Variants in TSPEAR observed in about 807,000 individuals in gnomAD.
TSPEAR encodes the protein thrombospondin-type laminin G domain and EAR repeat-containing protein.
TSPEAR carries 69 observed loss-of-function variants against 71.6 expected under a neutral mutation model. That is an observed-to-expected ratio of 0.96 (90% CI 0.79 to 1.18). The LOEUF (loss-of-function observed/expected upper bound fraction) is 1.18, where lower values mean the gene tolerates loss of function less well. Among genes scored for constraint, TSPEAR ranks in the 50% most tolerant of loss-of-function variants. The pLI, the probability that TSPEAR is intolerant of heterozygous loss-of-function variation, is 0.00. For missense variants in TSPEAR, 971 were observed against 894.9 expected (o/e 1.09, Z -1.09); for synonymous variants, 402 against 387.2 (o/e 1.04, Z -0.45).
intron 11 of TSPEAR, among the ~76,000 whole-genome samples, chr21:44,500,471 G>A (rs782468846): frequency 1.3e-5 from 2 of 152,364 alleles, no homozygotes; most frequent in South Asian, 2.1e-4. Context: ...TTCCATTTCC[G>A]AGGCGTGGAG....
Position 44,603,542 on chromosome 21 carries a change from A to G in TSPEAR, c.83-35537T>C, listed in dbSNP as rs78537004. Among the ~76,000 whole-genome samples the G allele has an allele frequency of 8.2e-3, 1,244 of 152,292 alleles. 19 individuals are homozygous for G. The highest frequency in any genetic ancestry group is 0.028 in the African/African-American group (1,176 of 41,548). Reference sequence around the variant, plus strand: ...TCCAGGCATGTGAGCCTCTGGGGAAACACGCCCCCCACGCCCCGGGTGTGA... The same window carrying G: ...TCCAGGCATGTGAGCCTCTGGGGAAGCACGCCCCCCACGCCCCGGGTGTGA... On this transcript the variant is annotated intron_variant, in intron 1 of 11. Coordinates refer to ENST00000323084, the MANE Select transcript of TSPEAR (RefSeq NM_144991.3).
intron 1 of TSPEAR, among the ~76,000 whole-genome samples, chr21:44,704,434 G>A (rs531553321): frequency 1.1e-4 from 17 of 152,188 alleles, no homozygotes; most frequent in Non-Finnish European, 2.2e-4. Flanking sequence ...AACCCAAACC[G>A]TGCGGGGTGG....
At chr21:44,704,830 G>A (rs1438938027) in intron 1 of TSPEAR, among the ~76,000 whole-genome samples, 2 of 95,736 alleles carry the variant, frequency 2.1e-5, no homozygotes, top group South Asian at 2.5e-4. Flanking sequence ...GTCACGTCAC[G>A]GCCCCGGCAC....
chr21:44,518,800 G>A, intron 9 of TSPEAR: 2 of 430,504 alleles, frequency 4.6e-6, no homozygotes, highest in Non-Finnish European at 9.8e-6. Context: ...TTCTGGCAAA[G>A]CTCCTCAAAC....
At chr21:44,603,439 G>A (rs1052906598) in intron 1 of TSPEAR, among the ~76,000 whole-genome samples, 1 of 152,168 alleles carries the variant, frequency 6.6e-6, no homozygotes, top group African/African-American at 2.4e-5. Flanking sequence ...CAAGATGGAG[G>A]GGCCTTGCTC....
At chr21:44,512,239 A>C (rs782710773) in intron 9 of TSPEAR, among the ~76,000 whole-genome samples, 5 of 148,732 alleles carry the variant, frequency 3.4e-5, no homozygotes, top group African/African-American at 5.0e-5. Context: ...GAGCCGGAGG[A>C]GGCTTTTGAG....
intron 1 of TSPEAR, among the ~76,000 whole-genome samples, chr21:44,618,981 C>T (rs997513536): frequency 2.0e-5 from 3 of 152,122 alleles, no homozygotes; most frequent in Non-Finnish European, 2.9e-5. Flanking sequence ...AGAAAGCCCC[C>T]GTGCATGTCT....
intron 1 of TSPEAR, chr21:44,638,219 T>G: frequency 1.3e-6 from 2 of 1,565,440 alleles, no homozygotes; most frequent in South Asian, 2.4e-5. Context: ...GGGGCTGACC[T>G]CCCAGCTGCC....
intron 1 of TSPEAR, among the ~76,000 whole-genome samples, chr21:44,650,420 C>CGGCGGCAGAGACTGGGGCCACGTGACGAA (rs56134830): frequency 6.7e-6 from 1 of 149,428 alleles, no homozygotes; most frequent in Non-Finnish European, 1.5e-5. Flanking sequence ...CATGTGACGA[C>CGGCGGCAGAGACTGGGGCCACGTGACGAA]GGCGGCAGAG....
chr21:44,511,738 T>G (rs2052385988), intron 9 of TSPEAR, among the ~76,000 whole-genome samples: 1 of 152,254 alleles, frequency 6.6e-6, no homozygotes, highest in Non-Finnish European at 1.5e-5. Context: ...CTCACCTGTG[T>G]TGAGGCAGAT....
intron 10 of TSPEAR, among the ~76,000 whole-genome samples, chr21:44,505,869 CG>C (rs1555911852): frequency 1.3e-5 from 2 of 152,016 alleles, no homozygotes; most frequent in Admixed American, 1.3e-4. Context: ...CTATGAACAC[CG>C]GGGTACAAAA....
At chr21:44,509,547 GTGTGGGTGAGC>G in intron 9 of TSPEAR, 161 bp from the exon 10 acceptor site, 1 of 589,532 alleles carries the variant, frequency 1.7e-6, no homozygotes, top group South Asian at 2.0e-5. Flanking sequence ...GGGCGCAGAG[GTGTGGGTGAGC>G]GGGCGCAGAG....
At chr21:44,654,500 C>T (rs1555942173) in intron 1 of TSPEAR, 2 of 1,613,718 alleles carry the variant, frequency 1.2e-6, no homozygotes, top group Admixed American at 3.3e-5. Flanking sequence ...ACACAGGGGG[C>T]TGAGCAGCAG....
intron 1 of TSPEAR, among the ~76,000 whole-genome samples, chr21:44,633,931 G>C (rs1245620857): frequency 6.6e-6 from 1 of 151,940 alleles, no homozygotes; most frequent in African/African-American, 2.4e-5. Flanking sequence ...TTAGGTACAT[G>C]AATGTTTATA....
chr21:44,688,392 T>G (rs1176481256), intron 1 of TSPEAR, among the ~76,000 whole-genome samples: 1 of 151,936 alleles, frequency 6.6e-6, no homozygotes, highest in Admixed American at 6.5e-5. Context: ...GGAGGGCAAG[T>G]GAGTTTACCA....
At position 44,506,276 on chromosome 21, in the gene TSPEAR, C is replaced by G. The variant is rs2052199098; in HGVS notation, c.1755-1395G>C. ...CCTGGATCCTTTCCTCCCCAGGAGCCCACCTGCCGAGCTGTCAGCGTCAGC... is the reference window on the plus strand; with the variant it reads ...CCTGGATCCTTTCCTCCCCAGGAGCGCACCTGCCGAGCTGTCAGCGTCAGC... On this transcript the variant is annotated intron_variant, in intron 10 of 11. Transcript: ENST00000323084. This position sits in a 1 kb window ranked among gnomAD's most constrained non-coding sequence, Gnocchi z 4.2. Among the ~76,000 whole-genome samples, 1 of 152,248 alleles carries G rather than the reference C, an allele frequency of 6.6e-6. No homozygotes were observed. The highest frequency in any genetic ancestry group is 2.4e-5 in the African/African-American group (1 of 41,462).
At chr21:44,569,779 C>G (rs1375466373) in intron 1 of TSPEAR, among the ~76,000 whole-genome samples, 1 of 151,952 alleles carries the variant, frequency 6.6e-6, no homozygotes, top group Admixed American at 6.5e-5. Context: ...GGTCTGTGTA[C>G]AGGGACCACC....
Position 44,551,130 on chromosome 21 carries a change from C to G in TSPEAR, c.303+16655G>C, listed in dbSNP as rs782442914. On this transcript the variant is annotated intron_variant, in intron 2 of 11. Transcript: ENST00000323084. Reference sequence around the variant, plus strand: ...AGAAGCCCCACAGCAGACGGGCACACAGCACACAGGCTTGCAGCAGACGGG... The same window carrying G: ...AGAAGCCCCACAGCAGACGGGCACAGAGCACACAGGCTTGCAGCAGACGGG... The G allele has an allele frequency of 9.6e-6, 15 of 1,562,938 alleles. No homozygotes were observed. In the Admixed American group the frequency reaches 1.9e-4, roughly 20 times the overall value.
At chr21:44,554,056 G>T (rs137922359) in intron 2 of TSPEAR, among the ~76,000 whole-genome samples, 2 of 152,222 alleles carry the variant, frequency 1.3e-5, no homozygotes, top group African/African-American at 4.8e-5. Flanking sequence ...CAAAGTGATT[G>T]TTATGGATGG....
Sources: gnomAD v4.1 joint callset for allele counts (sites outside exome capture counted in the v4.1 genomes callset) on GRCh38, gnomAD v4.1.1 for gene constraint, Gnocchi (gnomAD v3.1) non-coding constraint, MANE v1.5 for transcripts, NCBI Gene and HGNC (gene_info 2026-07-23, HGNC 2026-07-21) for gene names.